The following BRI3 variants were observed in gnomAD, a reference collection of about 807,000 sequenced individuals.
BRI3 encodes the protein membrane protein BRI3.
Under a neutral mutation model 12.8 loss-of-function variants are expected in BRI3, and 6 were observed. That is an observed-to-expected ratio of 0.47 (90% CI 0.26 to 0.93). The LOEUF is 0.93. Ranked by LOEUF, BRI3 falls within the 40% of genes least tolerant of loss-of-function variation. BRI3 has a pLI of 0.15. For synonymous variants in BRI3, 91 were observed against 76.1 expected (o/e 1.20, Z -1.02); for missense variants, 134 against 171.1 (o/e 0.78, Z 1.21).
At chr7:98,282,244 C>A in intron 1 of BRI3, 107 bp from the exon 2 acceptor site, 1 of 1,031,848 alleles carries the variant, frequency 9.7e-7, no homozygotes, top group Non-Finnish European at 1.4e-6. Flanking sequence ...TGGAAAAGAC[C>A]GGGGGCTTTT....
downstream of BRI3, chr7:98,292,478 C>G: frequency 2.9e-6 from 2 of 694,102 alleles, no homozygotes; most frequent in South Asian, 4.0e-5. Context: ...GGAATTTTAA[C>G]CATGACTCTC....
At chr7:98,306,427 G>T (rs201317801), upstream of BRI3, 35 of 1,614,156 alleles carry the variant, frequency 2.2e-5, no homozygotes, top group Non-Finnish European at 3.0e-5. Context: ...GCTCAGCCAC[G>T]TTCAGGGCTA....
chr7:98,287,932 A>G (rs1799765817), intron 2 of BRI3, among the ~76,000 whole-genome samples: 1 of 152,174 alleles, frequency 6.6e-6, no homozygotes, highest in Non-Finnish European at 1.5e-5. Context: ...TTGAACAGGC[A>G]GTCAGCTCTG....
exon 2 of BRI3, chr7:98,310,242 G>A: frequency 1.9e-6 from 1 of 535,138 alleles, no homozygotes; most frequent in East Asian, 3.5e-5. Context: ...TCAGAGAAAT[G>A]TATCACTTAT....
upstream of BRI3, among the ~76,000 whole-genome samples, chr7:98,303,624 G>A (rs1800515950): frequency 6.6e-6 from 1 of 152,200 alleles, no homozygotes; most frequent in African/African-American, 2.4e-5. Flanking sequence ...CCACACCAGG[G>A]CCTCTGTGCG....
upstream of BRI3, among the ~76,000 whole-genome samples, chr7:98,305,947 G>A (rs186951385): frequency 9.2e-5 from 14 of 152,296 alleles, no homozygotes; most frequent in East Asian, 2.3e-3. Flanking sequence ...CAGGCAGGAA[G>A]GATGGACCCA....
chr7:98,291,410 G>A lies in BRI3; in HGVS notation c.*167G>A. 2 of 1,446,384 alleles carry A rather than the reference G, an allele frequency of 1.4e-6. No homozygotes were observed. The highest frequency in any genetic ancestry group is 2.6e-4 in the Middle Eastern group (1 of 3,858). The allele number at this position is 1,446,384 out of a possible 1,614,324, so 89.6% of individuals were successfully genotyped here. ...TCCCGGAGCGTGGAGAGGCAGTGCT[G>A]CTGCTCCCGCCCGAGGCTCATGACA... On this transcript the variant is annotated 3_prime_UTR_variant, in exon 3 of 3. Coordinates refer to ENST00000297290, the MANE Select transcript of BRI3 (RefSeq NM_015379.5).
chr7:98,310,660 G>T (rs1584439693), downstream of BRI3: 6 of 1,278,366 alleles, frequency 4.7e-6, no homozygotes, highest in East Asian at 2.8e-5. Flanking sequence ...GATTCCCAAG[G>T]CTGTTTTTTT....
At chr7:98,315,588 G>A in the BRI3 span, 1 of 1,462,110 alleles carries the variant, frequency 6.8e-7, no homozygotes. Context: ...ATTTCACTCT[G>A]ACGAGAAGTA....
upstream of BRI3, chr7:98,304,427 AC>A: frequency 1.3e-6 from 2 of 1,584,796 alleles, no homozygotes; most frequent in Middle Eastern, 1.7e-4. Flanking sequence ...TCACCACCAA[AC>A]CCCAAACATC....
chr7:98,311,976 G>A (rs537853800), downstream of BRI3: 54 of 1,041,278 alleles, frequency 5.2e-5, no homozygotes, highest in East Asian at 1.1e-3. Flanking sequence ...ATAGAGGTGC[G>A]AAAAGGTGGT....
rs578114021 is a variant in BRI3 at position 98,298,849 on chromosome 7, G to A, written c.72-7634G>A. Among the ~76,000 whole-genome samples the A allele has an allele frequency of 3.3e-5, 5 of 152,090 alleles. 1 individual carries two copies. Among genetic ancestry groups the A allele is most frequent in the South Asian group, 4.2e-4 (2 of 4,806 alleles). On this transcript the variant is annotated intron_variant and NMD_transcript_variant, in intron 1 of 2. Transcript: ENST00000491463. ...CCGGGGCTTTCAGGTGGCAAAGGCT[G>A]CCATTGTTTTTGAGACAGGTCTTGC...
At chr7:98,317,119 C>T in the BRI3 span, 3 of 1,468,210 alleles carry the variant, frequency 2.0e-6, no homozygotes, top group Non-Finnish European at 2.8e-6. Flanking sequence ...TCCCAAAGTG[C>T]TGGGATTACA....
intron 2 of BRI3, 52 bp from the exon 3 acceptor site, chr7:98,291,059 C>T: frequency 6.2e-7 from 1 of 1,607,584 alleles, no homozygotes; most frequent in Admixed American, 1.7e-5. Flanking sequence ...GGTGAGGGTT[C>T]TGGCTGCCCG....
downstream of BRI3, among the ~76,000 whole-genome samples, chr7:98,311,359 T>C (rs1037546560): frequency 2.0e-5 from 3 of 151,102 alleles, no homozygotes; most frequent in East Asian, 4.0e-4. Flanking sequence ...CTGGCTAACA[T>C]GGTGAAACCC....
At chr7:98,317,021 C>T in the BRI3 span, among the ~76,000 whole-genome samples, 3 of 152,076 alleles carry the variant, frequency 2.0e-5, no homozygotes, top group South Asian at 6.2e-4. Flanking sequence ...TGCCATCACC[C>T]CAGCTAGTTT....
downstream of BRI3, chr7:98,293,474 C>T (rs370094884): frequency 2.6e-5 from 41 of 1,565,836 alleles, no homozygotes; most frequent in Non-Finnish European, 3.5e-5. Flanking sequence ...GCCCATCATT[C>T]CGCAAGGGAG....
chr7:98,282,287 G>C lies in BRI3; in HGVS notation c.143-64G>C, dbSNP rs1342376855. The C allele has an allele frequency of 6.0e-6, 8 of 1,342,900 alleles. No individual in the cohort carries two copies. In the South Asian group the frequency reaches 9.7e-5, roughly 16 times the overall value. 83.2% of individuals were successfully genotyped at this position (1,342,900 alleles called of 1,614,324 possible). ...GGTGGAGGTTGAGGGGACAGGATGA[G>C]TAGTCCCCGTGGCGGTCCGATTTCT... On this transcript the variant is annotated intron_variant, in intron 1 of 2. Coordinates refer to ENST00000297290, the MANE Select transcript of BRI3 (RefSeq NM_015379.5).
At chr7:98,297,273 CCCCTT>C (rs1333869745), downstream of BRI3, among the ~76,000 whole-genome samples, 1 of 152,190 alleles carries the variant, frequency 6.6e-6, no homozygotes, top group Non-Finnish European at 1.5e-5. Flanking sequence ...TGGTCCACAC[CCCCTT>C]CCCGACTGTA....
Sources: allele counts gnomAD v4.1 joint callset (sites outside exome capture counted in the v4.1 genomes callset), GRCh38; gene constraint gnomAD v4.1.1; transcripts MANE v1.5; gene names NCBI Gene and HGNC (gene_info 2026-07-23, HGNC 2026-07-21).